Variants in BEST3 observed in about 807,000 individuals in gnomAD.
BEST3 encodes the protein bestrophin-3.
Under a neutral mutation model 47.1 loss-of-function variants are expected in BEST3, and 50 were observed. The observed-to-expected ratio is 1.06, with a 90% CI of 0.85 to 1.34. The LOEUF is 1.34. BEST3 is among the 40% of genes most tolerant of loss of function. The pLI is 0.00. For missense variants in BEST3, 765 were observed against 817.0 expected (o/e 0.94, Z 0.78); for synonymous variants, 282 against 298.8 (o/e 0.94, Z 0.58).
At chr12:69,686,771 C>CAAAAAAA (rs1555208491) in intron 4 of BEST3, among the ~76,000 whole-genome samples, 1 of 49,914 alleles carries the variant, frequency 2.0e-5, no homozygotes, top group Non-Finnish European at 3.4e-5. Flanking sequence ...GATTCTGCCT[C>CAAAAAAA]AAAAAAACAA....
intron 2 of BEST3, among the ~76,000 whole-genome samples, chr12:69,696,785 TAAC>T (rs927693086): frequency 6.6e-6 from 1 of 152,026 alleles, no homozygotes; most frequent in South Asian, 2.1e-4. Flanking sequence ...AGAAGAAAAA[TAAC>T]AAACTATGAA....
intron 7 of BEST3, among the ~76,000 whole-genome samples, chr12:69,676,052 T>A (rs1884895627): frequency 6.6e-6 from 1 of 152,228 alleles, no homozygotes; most frequent in Non-Finnish European, 1.5e-5. Flanking sequence ...GATGGAAGAA[T>A]CAGGTCTCTG....
At chr12:69,685,514 A>G (rs1405474483) in intron 4 of BEST3, among the ~76,000 whole-genome samples, 1 of 152,184 alleles carries the variant, frequency 6.6e-6, no homozygotes, top group East Asian at 1.9e-4. Context: ...GTTGCTCTAC[A>G]TACCTAATGA....
At chr12:69,686,763 T>C in intron 4 of BEST3, among the ~76,000 whole-genome samples, 2 of 7,180 alleles carry the variant, frequency 2.8e-4, no homozygotes, top group Non-Finnish European at 4.3e-3. Context: ...CAGAGCAAGA[T>C]TCTGCCTCAA....
chr12:69,699,278 C>T lies in BEST3; in HGVS notation c.-89G>A. On this transcript the variant is annotated 5_prime_UTR_variant, in exon 1 of 10. Coordinates refer to ENST00000330891, the MANE Select transcript of BEST3 (RefSeq NM_032735.3). ...TCGGGCTCCCCCGAAGAGGTGCCTT[C>T]AGGTCGGTGCTGCACGCCCGGTGTC... 1 of 985,410 alleles carries T rather than the reference C, an allele frequency of 1.0e-6. No individual in the cohort carries two copies. Among genetic ancestry groups the T allele is most frequent in the Non-Finnish European group, 1.2e-6 (1 of 829,932 alleles). The allele number at this position is 985,410 out of a possible 1,614,324, so 61.0% of individuals were successfully genotyped here. A position where few individuals can be genotyped will look rare whatever the true frequency, so the allele number is the denominator to read the frequency against.
At position 69,697,807 on chromosome 12, in the gene BEST3, G is replaced by GT. The variant is rs2136055219; in HGVS notation, c.-10dup. 1.3e-6 allele frequency: 2 copies of GT among 1,597,950 alleles called. No individual in the cohort carries two copies. The highest frequency in any genetic ancestry group is 4.5e-5 in the East Asian group (2 of 44,670). ...GAGTAAGTGACAGTCATCTTGGATA[G>GT]TTTTTTCTAGAAGAGCAAGAAGACA... On this transcript the variant is annotated 5_prime_UTR_variant, in exon 2 of 10. Coordinates refer to ENST00000330891, the MANE Select transcript of BEST3 (RefSeq NM_032735.3).
At chr12:69,647,332 G>T (rs1123519) in intron 9 of BEST3, among the ~76,000 whole-genome samples, 64,648 of 152,002 alleles carry the variant, frequency 0.43, 15,535 homozygotes, top group Middle Eastern at 0.59. Flanking sequence ...AGAGTTGGCC[G>T]ATTTTTAGTC....
At chr12:69,695,188 A>G (rs1317505253) in intron 2 of BEST3, among the ~76,000 whole-genome samples, 2 of 152,188 alleles carry the variant, frequency 1.3e-5, no homozygotes, top group African/African-American at 2.4e-5. Flanking sequence ...GTCTGGAGAA[A>G]TGTTTTAAGG....
intron 4 of BEST3, among the ~76,000 whole-genome samples, chr12:69,680,168 C>T (rs1009438255): frequency 5.9e-5 from 9 of 152,026 alleles, no homozygotes; most frequent in Non-Finnish European, 1.2e-4. Context: ...CCTCCCCAAA[C>T]ACCAAGGGAA....
intron 9 of BEST3, chr12:69,670,585 G>A (rs992124056): frequency 5.7e-6 from 4 of 702,256 alleles, no homozygotes; most frequent in Non-Finnish European, 7.8e-6. Context: ...TCTCCTGAAA[G>A]TAGAAGGAGG....
chr12:69,693,071 T>A (rs1338379931), intron 4 of BEST3, among the ~76,000 whole-genome samples: 4 of 152,176 alleles, frequency 2.6e-5, no homozygotes, highest in Non-Finnish European at 5.9e-5. Context: ...AATTATTATG[T>A]TTACCTTAAG....
intron 4 of BEST3, among the ~76,000 whole-genome samples, chr12:69,682,081 C>CAAAAAAA (rs35331064): frequency 2.0e-4 from 20 of 102,114 alleles, no homozygotes; most frequent in East Asian, 5.7e-4. Flanking sequence ...GACTCCGTCT[C>CAAAAAAA]AAAAAAAAAA....
In BEST3 at chr12:69,655,584, G is replaced by A. The variant is rs771842866; in HGVS notation, c.1330C>T (p.Pro444Ser). Reference protein sequence around the residue: ...DLLDVPSRNPPRASPTWKKSC... With the variant: ...DLLDVPSRNPSRASPTWKKSC... Reference sequence around the variant, plus strand: ...TTCTTCCAGGTGGGTGAGGCCCTGGGGGGGTTTCTTGAGGGCACATCCAGT... The same window carrying A: ...TTCTTCCAGGTGGGTGAGGCCCTGGAGGGGTTTCTTGAGGGCACATCCAGT... The change falls in exon 10 of 10, where the codon CCC (proline) becomes TCC (serine). Residue 444 changes from proline to serine, a missense_variant. Transcript: ENST00000330891. 6.2e-6 allele frequency: 10 copies of A among 1,614,028 alleles called. No individual in the cohort carries two copies. The highest frequency in any genetic ancestry group is 8.5e-6 in the Non-Finnish European group (10 of 1,180,010).
At chr12:69,670,165 A>G (rs1301129312) in intron 9 of BEST3, 1 of 313,464 alleles carries the variant, frequency 3.2e-6, no homozygotes, top group Non-Finnish European at 6.0e-6. Context: ...GATGTCCATG[A>G]AGCTCTGCCC....
chr12:69,659,782 TGAGGC>T (rs1883760074), intron 9 of BEST3, among the ~76,000 whole-genome samples: 2 of 152,152 alleles, frequency 1.3e-5, no homozygotes, highest in Admixed American at 1.3e-4. Flanking sequence ...AGTACAATCC[TGAGGC>T]TCAATATAAT....
chr12:69,688,469 G>T (rs879578043), intron 4 of BEST3, among the ~76,000 whole-genome samples: 1 of 152,098 alleles, frequency 6.6e-6, no homozygotes, highest in Non-Finnish European at 1.5e-5. Context: ...TTTAATTTGA[G>T]AAATTTAACC....
In BEST3 at chr12:69,655,800, C is replaced by A; in HGVS notation, c.1114G>T (p.Asp372Tyr). 6.2e-7 allele frequency: 1 copy of A among 1,606,916 alleles called. No homozygotes were observed. The highest frequency in any genetic ancestry group is 1.1e-5 in the South Asian group (1 of 90,768). Reference protein sequence around the residue: ...STVQMGLSGSDFPDEEWLWDY... With the variant: ...STVQMGLSGSYFPDEEWLWDY... ...CACAGCCACTCCTCGTCAGGAAAGT[C>A]GGACCCAGACAGCCTGAAACACACA... The change falls in exon 10 of 10, where the codon GAC (aspartate) becomes TAC (tyrosine). Residue 372 changes from aspartate (D) to tyrosine (Y), a missense_variant. Asp to Tyr is a radical substitution (Grantham distance 160, BLOSUM62 -3). Transcript: ENST00000330891.
chr12:69,675,336 G>A (rs969690477), intron 7 of BEST3, among the ~76,000 whole-genome samples: 3 of 150,908 alleles, frequency 2.0e-5, no homozygotes, highest in African/African-American at 7.3e-5. Context: ...TGCCTAGGCT[G>A]GTCTTAAACT....
At chr12:69,694,262 G>T in intron 3 of BEST3, 108 bp downstream of exon 3, 1 of 681,722 alleles carries the variant, frequency 1.5e-6, no homozygotes, top group East Asian at 2.9e-5. Context: ...GCAAGCGGTG[G>T]CTTTTCAGGC....
Sources: allele counts gnomAD v4.1 joint callset (sites outside exome capture counted in the v4.1 genomes callset), GRCh38; gene constraint gnomAD v4.1.1; transcripts MANE v1.5; gene names NCBI Gene and HGNC (gene_info 2026-07-23, HGNC 2026-07-21).